The following RIT2 variants were observed in gnomAD, a reference collection of about 807,000 sequenced individuals.
RIT2 encodes GTP-binding protein Rit2.
RIT2 carries 24 observed loss-of-function variants against 23.7 expected under a neutral mutation model. The ratio of observed to expected loss-of-function variants is 1.01; its 90% CI spans 0.73 to 1.43. RIT2 has a LOEUF of 1.43. Ranked by LOEUF, RIT2 falls within the 40% of genes most tolerant of loss-of-function variation. The pLI is 0.00. For missense variants in RIT2, 236 were observed against 266.9 expected (o/e 0.88, Z 0.81); for synonymous variants, 107 against 91.1 (o/e 1.17, Z -0.99).
At chr18:42,928,265 T>C (rs569448363) in intron 3 of RIT2, among the ~76,000 whole-genome samples, 1 of 152,116 alleles carries the variant, frequency 6.6e-6, no homozygotes, top group East Asian at 1.9e-4. Context: ...CAAGCCAAGA[T>C]AAAATGAATG....
intron 3 of RIT2, among the ~76,000 whole-genome samples, chr18:42,938,448 CAT>C (rs1273022465): frequency 1.3e-5 from 2 of 152,152 alleles, no homozygotes; most frequent in Admixed American, 6.5e-5. Flanking sequence ...GAGTTTAAGA[CAT>C]GTGGTACATA....
intron 1 of RIT2, among the ~76,000 whole-genome samples, chr18:43,041,340 T>C (rs564730255): frequency 1.3e-5 from 2 of 152,278 alleles, no homozygotes; most frequent in South Asian, 2.1e-4. Context: ...TTGCTTTAAC[T>C]TCTAAAATTA....
chr18:43,097,831 T>C (rs1355871938), intron 1 of RIT2, among the ~76,000 whole-genome samples: 1 of 151,916 alleles, frequency 6.6e-6, no homozygotes, highest in Non-Finnish European at 1.5e-5. Context: ...GTTACATAAA[T>C]CATAACCAAA....
chr18:42,866,693 G>C (rs1907480781), intron 4 of RIT2, among the ~76,000 whole-genome samples: 1 of 149,728 alleles, frequency 6.7e-6, no homozygotes, highest in African/African-American at 2.4e-5. Context: ...TTTTCTTTCA[G>C]ACATTATATG....
At chr18:42,747,800 C>T (rs558224985) in intron 4 of RIT2, among the ~76,000 whole-genome samples, 2 of 151,954 alleles carry the variant, frequency 1.3e-5, no homozygotes, top group African/African-American at 4.8e-5. Flanking sequence ...GGACACCCTA[C>T]TCAACAAATG....
intron 4 of RIT2, among the ~76,000 whole-genome samples, chr18:42,861,050 A>G (rs1217589051): frequency 1.3e-5 from 2 of 152,188 alleles, no homozygotes; most frequent in Non-Finnish European, 2.9e-5. Context: ...TACTTTGTTT[A>G]TAACAGACCT....
At chr18:42,743,784 T>C (rs1472644154) in intron 4 of RIT2, 64 bp from the exon 5 acceptor site, 1 of 1,265,296 alleles carries the variant, frequency 7.9e-7, no homozygotes, top group Non-Finnish European at 1.1e-6. Flanking sequence ...TAAAAATACG[T>C]TCTCTACTAG....
chr18:43,037,594 G>A (rs1279906200), intron 1 of RIT2, among the ~76,000 whole-genome samples: 4 of 151,636 alleles, frequency 2.6e-5, no homozygotes, highest in Admixed American at 6.6e-5. Flanking sequence ...TTTAGTCTAA[G>A]GTTTAAAATT....
intron 4 of RIT2, among the ~76,000 whole-genome samples, chr18:42,899,059 C>T (rs919408403): frequency 1.1e-4 from 17 of 151,668 alleles, no homozygotes; most frequent in Non-Finnish European, 1.6e-4. Context: ...AGTTATTTTG[C>T]GACTATGTAA....
intron 1 of RIT2, among the ~76,000 whole-genome samples, chr18:43,059,219 A>T (rs1912583414): frequency 6.6e-6 from 1 of 152,116 alleles, no homozygotes; most frequent in African/African-American, 2.4e-5. Flanking sequence ...TTTTATATAC[A>T]TCACCTCGTT....
At chr18:42,813,248 A>C (rs2143979999) in intron 4 of RIT2, among the ~76,000 whole-genome samples, 1 of 152,322 alleles carries the variant, frequency 6.6e-6, no homozygotes, top group Non-Finnish European at 1.5e-5. Context: ...TTATTAAAAT[A>C]AACATCATTG....
At chr18:42,795,162 T>C (rs1053271462) in intron 4 of RIT2, among the ~76,000 whole-genome samples, 2 of 152,198 alleles carry the variant, frequency 1.3e-5, no homozygotes, top group African/African-American at 4.8e-5. Flanking sequence ...TGAGGAGCCC[T>C]TCAGCCCACC....
intron 1 of RIT2, among the ~76,000 whole-genome samples, chr18:43,065,811 A>G (rs1272760203): frequency 6.6e-6 from 1 of 152,184 alleles, no homozygotes; most frequent in African/African-American, 2.4e-5. Context: ...GACATGAACA[A>G]TAAATAAAAT....
chr18:43,025,943 C>CAATA lies in RIT2; in HGVS notation c.160+7867_160+7868insTATT, dbSNP rs756750017. 7.9e-3 allele frequency among the ~76,000 whole-genome samples: 1,201 copies of CAATA among 152,038 alleles called. 3 individuals are homozygous for CAATA. Among genetic ancestry groups the CAATA allele is most frequent in the Middle Eastern group, 0.024 (7 of 294 alleles). On this transcript the variant is annotated intron_variant, in intron 2 of 4. Coordinates refer to ENST00000326695, the MANE Select transcript of RIT2 (RefSeq NM_002930.4). ...AGACTTCACCACTATACAATATATC[C>CAATA]ATGAAACAAAACTGCATTATTACCT...
rs1252547087 is a variant in RIT2, at chr18:43,048,606, AGTGACCAGACAATC to A, written c.104-14753_104-14740del. Among the ~76,000 whole-genome samples the A allele has an allele frequency of 3.9e-5, 6 of 152,322 alleles. No homozygotes were observed. The South Asian group carries it at 1.0e-3, about 26-fold the overall frequency. Reference sequence around the variant, plus strand: ...ACAATATATGTAAAGAACTTAAACTAGTGACCAGACAATCGTAAGTTCTTGATAAACATTTACTG... The same window carrying A: ...ACAATATATGTAAAGAACTTAAACTAGTAAGTTCTTGATAAACATTTACTG... On this transcript the variant is annotated intron_variant, in intron 1 of 4. Transcript: ENST00000326695.
chr18:42,777,679 T>C (rs969972709), intron 4 of RIT2, among the ~76,000 whole-genome samples: 12 of 152,156 alleles, frequency 7.9e-5, no homozygotes, highest in African/African-American at 2.9e-4. Context: ...TTGTTAGAGA[T>C]TTTAGTAACA....
intron 1 of RIT2, among the ~76,000 whole-genome samples, chr18:43,036,847 T>C (rs550999352): frequency 8.5e-5 from 13 of 152,188 alleles, no homozygotes; most frequent in South Asian, 2.1e-4. Flanking sequence ...TTGGGGGAGA[T>C]AATTTATAAA....
chr18:42,944,794 A>T (rs941944797), intron 3 of RIT2, among the ~76,000 whole-genome samples: 3 of 152,128 alleles, frequency 2.0e-5, no homozygotes, highest in Admixed American at 6.6e-5. Flanking sequence ...GATGCTAAGA[A>T]TCTTTTTAGA....
At chr18:42,990,438 T>G (rs1910815312) in intron 2 of RIT2, among the ~76,000 whole-genome samples, 1 of 152,212 alleles carries the variant, frequency 6.6e-6, no homozygotes, top group Admixed American at 6.5e-5. Context: ...CCAGTTGATC[T>G]GATGTATAAA....
Sources: allele counts gnomAD v4.1 joint callset (sites outside exome capture counted in the v4.1 genomes callset), GRCh38; gene constraint gnomAD v4.1.1; transcripts MANE v1.5; gene names NCBI Gene and HGNC (gene_info 2026-07-23, HGNC 2026-07-21).